Variants in CACNA2D4 observed in about 807,000 individuals in gnomAD.
CACNA2D4 encodes calcium voltage-gated channel auxiliary subunit alpha2delta 4.
In CACNA2D4, 157 loss-of-function variants were observed where a neutral mutation model predicts 163.8. The ratio of observed to expected loss-of-function variants is 0.96; its 90% CI spans 0.84 to 1.09. CACNA2D4 has a LOEUF of 1.09. Among genes scored for constraint, CACNA2D4 ranks in the 50% least tolerant of loss-of-function variants. The pLI is 0.00. For missense variants in CACNA2D4, 1,410 were observed against 1,479.9 expected, an observed-to-expected ratio of 0.95 and a Z score of 0.78; for synonymous variants, 598 against 586.9, an observed-to-expected ratio of 1.02 and a Z score of -0.27.
At chr12:1,873,391 A>G (rs948096645) in intron 18 of CACNA2D4, among the ~76,000 whole-genome samples, 7 of 152,192 alleles carry the variant, frequency 4.6e-5, no homozygotes, top group Admixed American at 2.6e-4. Context: ...AGTTCAGCCT[A>G]CTGCATTTGG....
intron 13 of CACNA2D4, among the ~76,000 whole-genome samples, chr12:1,881,133 G>A (rs1288148270): frequency 6.6e-6 from 1 of 152,214 alleles, no homozygotes; most frequent in African/African-American, 2.4e-5. Context: ...GGACAGGAGA[G>A]GGAAGGAGGA....
At chr12:1,839,584 C>CTGTG (rs929035408) in intron 26 of CACNA2D4, among the ~76,000 whole-genome samples, 13 of 152,364 alleles carry the variant, frequency 8.5e-5, no homozygotes, top group African/African-American at 2.4e-4. Context: ...AGTAAGTTTT[C>CTGTG]TGTGTCTCAG....
chr12:1,894,746 A>T (rs1367964845), intron 6 of CACNA2D4, among the ~76,000 whole-genome samples: 1 of 152,370 alleles, frequency 6.6e-6, no homozygotes, highest in East Asian at 1.9e-4. Flanking sequence ...TCAACATAAT[A>T]AAGGTCATAT....
intron 12 of CACNA2D4, 65 bp downstream of exon 12, chr12:1,884,178 G>T: frequency 6.8e-7 from 1 of 1,478,452 alleles, no homozygotes; most frequent in Non-Finnish European, 9.3e-7. Flanking sequence ...CACTTCCAGG[G>T]CTGGGTAACC....
Position 1,844,504 on chromosome 12 carries a change from C to T in CACNA2D4, c.2368G>A (p.Ala790Thr). 6.2e-7 allele frequency: 1 copy of T among 1,613,264 alleles called. No individual in the cohort carries two copies. Reference protein sequence around the residue: ...DRKFLTPEDEASVFTLDRFPL... With the variant: ...DRKFLTPEDETSVFTLDRFPL... ...AAGCGGTCCAGGGTGAACACGCTGG[C>T]CTCGTCCTCAGGTGTCAGGAACTTC... Residue 790 changes from alanine (A) to threonine (T), a missense_variant, in exon 25 of 38, where the codon GCC (alanine) becomes ACC (threonine). Ala to Thr is a moderately conservative substitution (Grantham distance 58). Transcript: ENST00000382722. The surrounding 1 kb of genome is among the most constrained non-coding windows in gnomAD (Gnocchi z 4.2).
At chr12:1,831,351 G>T (rs377675302) in intron 26 of CACNA2D4, 40 of 1,613,700 alleles carry the variant, frequency 2.5e-5, no homozygotes, top group Non-Finnish European at 3.3e-5. Flanking sequence ...TCTTTTCGAC[G>T]GGCTCCTGGC....
At chr12:1,894,002 G>C (rs2154450146) in intron 6 of CACNA2D4, among the ~76,000 whole-genome samples, 1 of 152,112 alleles carries the variant, frequency 6.6e-6, no homozygotes, top group East Asian at 1.9e-4. Flanking sequence ...TAAACTGCTA[G>C]CTAGACTAAC....
chr12:1,896,637 ACACAC>A (rs1866409974), intron 6 of CACNA2D4, among the ~76,000 whole-genome samples: 2 of 143,672 alleles, frequency 1.4e-5, no homozygotes, highest in African/African-American at 5.9e-5. Flanking sequence ...ACACACACAC[ACACAC>A]ACACACACAC....
chr12:1,816,449 C>A (rs777152406), intron 26 of CACNA2D4, among the ~76,000 whole-genome samples: 23 of 141,418 alleles, frequency 1.6e-4, no homozygotes, highest in Non-Finnish European at 2.8e-4. Context: ...CCTGCCCCAG[C>A]GGGCCTCCTG....
chr12:1,840,551 T>G (rs557370329), intron 26 of CACNA2D4, among the ~76,000 whole-genome samples, 188 bp downstream of exon 26: 1 of 152,328 alleles, frequency 6.6e-6, no homozygotes, highest in East Asian at 1.9e-4. Context: ...CGTGAATACT[T>G]TCACATCCAA....
At chr12:1,860,478 C>A (rs1865500266) in intron 18 of CACNA2D4, among the ~76,000 whole-genome samples, 1 of 152,234 alleles carries the variant, frequency 6.6e-6, no homozygotes, top group South Asian at 2.1e-4. Flanking sequence ...CCCTAAGCAG[C>A]ACTGAGCACT....
chr12:1,863,935 A>G (rs1043329300), intron 18 of CACNA2D4, among the ~76,000 whole-genome samples: 2 of 152,192 alleles, frequency 1.3e-5, no homozygotes, highest in African/African-American at 2.4e-5. Flanking sequence ...TTCATATTTT[A>G]AAAAGTGCCA....
At position 1,801,339 on chromosome 12, in the gene CACNA2D4, C is replaced by T. The variant is rs186939065; in HGVS notation, c.2793-221G>A. On this transcript the variant is annotated intron_variant, in intron 30 of 37. Coordinates refer to ENST00000382722, the MANE Select transcript of CACNA2D4 (RefSeq NM_172364.5). ...AATGGCTTTTGCCCTCGGAGTTGGA[C>T]GGTTTTCCCTCTAGGGTCTGAGCTG... 1.0e-3 allele frequency among the ~76,000 whole-genome samples: 158 copies of T among 152,348 alleles called. 1 individual carries two copies. The highest frequency in any genetic ancestry group is 3.7e-3 in the African/African-American group (152 of 41,582).
At chr12:1,804,900 G>A (rs73043822) in intron 29 of CACNA2D4, among the ~76,000 whole-genome samples, 19,294 of 152,250 alleles carry the variant, frequency 0.13, 1,278 homozygotes, top group Non-Finnish European at 0.14. Context: ...TTCTCTTCTG[G>A]CAGCAGAACA....
At position 1,878,538 on chromosome 12, in the gene CACNA2D4, A is replaced by G; in HGVS notation, c.1645-149T>C. The stretch of plus-strand genomic sequence containing the variant: ...ATAGGAACGTAACTGAGCCAGTGCC[A>G]TGCTTCCATCATTGATTGAGGAGTC... On this transcript the variant is annotated intron_variant, in intron 15 of 37. Transcript: ENST00000382722. The surrounding 1 kb of genome is among the most constrained non-coding windows in gnomAD (Gnocchi z 4.6). 7.0e-7 allele frequency: 1 copy of G among 1,427,984 alleles called. No individual in the cohort carries two copies. Among genetic ancestry groups the G allele is most frequent in the Non-Finnish European group, 9.5e-7 (1 of 1,048,082 alleles). The allele number at this position is 1,427,984 out of a possible 1,614,324, so 88.5% of individuals were successfully genotyped here.
chr12:1,840,005 G>T (rs1471021708), intron 26 of CACNA2D4, among the ~76,000 whole-genome samples: 1 of 152,190 alleles, frequency 6.6e-6, no homozygotes, highest in African/African-American at 2.4e-5. Flanking sequence ...ATTTGTAAAG[G>T]TTAAATCAGT....
Position 1,886,041 on chromosome 12 carries a change from T to C in CACNA2D4, c.994-2A>G. ...GATGTAATGGACGTAGTCATTGTAC[T>C]GCAGTTGCAGTGAGTTGAGGGGAGG... is the stretch of plus-strand genomic sequence containing the variant. On this transcript the variant is annotated splice_acceptor_variant, in intron 8 of 37. Transcript: ENST00000382722. LOFTEE classifies it high-confidence loss of function. 6.2e-7 allele frequency: 1 copy of C among 1,611,498 alleles called. No individual in the cohort carries two copies. Among genetic ancestry groups the C allele is most frequent in the Non-Finnish European group, 8.5e-7 (1 of 1,177,690 alleles).
intron 26 of CACNA2D4, chr12:1,831,227 G>A (rs1224632249): frequency 1.2e-6 from 2 of 1,613,860 alleles, no homozygotes; most frequent in Non-Finnish European, 8.5e-7. Flanking sequence ...ATCTGACTGA[G>A]CTTCAGCTGC....
intron 4 of CACNA2D4, among the ~76,000 whole-genome samples, chr12:1,909,336 C>G (rs928066122): frequency 4.6e-5 from 7 of 152,196 alleles, no homozygotes; most frequent in Non-Finnish European, 8.8e-5. Flanking sequence ...GGACTACAAG[C>G]GCCTGCCACT....
Sources: allele counts gnomAD v4.1 joint callset (sites outside exome capture counted in the v4.1 genomes callset), GRCh38; gene constraint gnomAD v4.1.1; non-coding constraint Gnocchi (gnomAD v3.1); transcripts MANE v1.5; gene names NCBI Gene and HGNC (gene_info 2026-07-23, HGNC 2026-07-21).